Variants in TRAPPC10 observed in about 807,000 individuals in gnomAD.
TRAPPC10 encodes the protein TRAPP 130 kDa subunit.
A neutral mutation model predicts 125.5 loss-of-function variants in TRAPPC10; 23 were observed. The ratio of observed to expected loss-of-function variants is 0.18; its 90% CI spans 0.13 to 0.26. TRAPPC10 has a LOEUF of 0.26. Among genes scored for constraint, TRAPPC10 ranks in the 10% least tolerant of loss-of-function variants. The pLI is 1.00. For missense variants in TRAPPC10, 1,123 were observed against 1,308.4 expected, an observed-to-expected ratio of 0.86 and a Z score of 2.19; for synonymous variants, 509 against 518.0, an observed-to-expected ratio of 0.98 and a Z score of 0.24.
intron 4 of TRAPPC10, among the ~76,000 whole-genome samples, chr21:44,052,899 A>G (rs1381182747): frequency 6.6e-6 from 1 of 152,120 alleles, no homozygotes; most frequent in Non-Finnish European, 1.5e-5. Context: ...ACCCCTTCAG[A>G]AACTGTGAAA....
At chr21:44,077,910 A>T (rs2037405417) in intron 11 of TRAPPC10, 126 bp downstream of exon 11, 1 of 566,294 alleles carries the variant, frequency 1.8e-6, no homozygotes, top group East Asian at 3.5e-5. Flanking sequence ...TCTCTTACCC[A>T]GTCCTCATAA....
At chr21:44,061,271 C>T (rs1175024960) in intron 6 of TRAPPC10, among the ~76,000 whole-genome samples, 5 of 152,002 alleles carry the variant, frequency 3.3e-5, no homozygotes, top group East Asian at 3.9e-4. Flanking sequence ...TGAGTAGCTG[C>T]GACTACAGGT....
chr21:44,044,559 A>G (rs1482580779), intron 3 of TRAPPC10, among the ~76,000 whole-genome samples: 1 of 151,466 alleles, frequency 6.6e-6, no homozygotes, highest in Non-Finnish European at 1.5e-5. Flanking sequence ...TATTGTTGTC[A>G]TACATTTTCT....
intron 20 of TRAPPC10, among the ~76,000 whole-genome samples, chr21:44,095,778 CA>C (rs2038892748): frequency 6.6e-6 from 1 of 152,124 alleles, no homozygotes; most frequent in East Asian, 1.9e-4. Context: ...CCATCTTGGC[CA>C]GGCTGGTCTT....
intron 19 of TRAPPC10, among the ~76,000 whole-genome samples, chr21:44,093,050 G>C (rs2038694987): frequency 1.3e-5 from 2 of 152,160 alleles, no homozygotes; most frequent in Non-Finnish European, 2.9e-5. Context: ...ACCCACCTTG[G>C]CCTCCTAAAG....
At chr21:44,019,488 A>G (rs1180398901) in intron 1 of TRAPPC10, among the ~76,000 whole-genome samples, 2 of 152,152 alleles carry the variant, frequency 1.3e-5, no homozygotes, top group Non-Finnish European at 2.9e-5. Flanking sequence ...TCTGCTCTTA[A>G]TGTCAAATAT....
chr21:44,021,504 C>A (rs900132318), intron 1 of TRAPPC10, among the ~76,000 whole-genome samples: 14 of 151,952 alleles, frequency 9.2e-5, no homozygotes, highest in African/African-American at 3.4e-4. Context: ...ATAAAGAGAC[C>A]CTACAAACCT....
chr21:44,061,638 A>C (rs2036068062), intron 6 of TRAPPC10, among the ~76,000 whole-genome samples: 1 of 152,260 alleles, frequency 6.6e-6, no homozygotes, highest in Non-Finnish European at 1.5e-5. Flanking sequence ...AATTTAATAA[A>C]GAAATGGCAA....
At chr21:44,058,223 G>A (rs936051937) in intron 5 of TRAPPC10, among the ~76,000 whole-genome samples, 20 of 152,204 alleles carry the variant, frequency 1.3e-4, no homozygotes, top group Non-Finnish European at 5.9e-5. Context: ...GACTTAGCCA[G>A]AGCTGAAGGA....
chr21:44,076,448 G>C (rs2037289725), intron 9 of TRAPPC10, 104 bp from the exon 10 acceptor site: 1 of 815,826 alleles, frequency 1.2e-6, no homozygotes, highest in African/African-American at 1.7e-5. Context: ...AATTTCACAA[G>C]AGTCAGATGA....
chr21:44,079,893 CT>C, intron 12 of TRAPPC10, 121 bp from the exon 13 acceptor site: 1 of 1,068,978 alleles, frequency 9.4e-7, no homozygotes, highest in Non-Finnish European at 1.3e-6. Flanking sequence ...GCCCTAGTAA[CT>C]TAAAAAAAAA....
intron 7 of TRAPPC10, among the ~76,000 whole-genome samples, chr21:44,066,499 C>T (rs956962538): frequency 1.3e-5 from 2 of 152,204 alleles, no homozygotes; most frequent in Admixed American, 6.5e-5. Context: ...CAGGATCCTC[C>T]TTGACAGAGT....
chr21:44,086,774 T>G lies in TRAPPC10; in HGVS notation c.2381-28T>G, dbSNP rs762041461. 1.7e-5 allele frequency: 28 copies of G among 1,612,042 alleles called. No individual in the cohort carries two copies. In the East Asian group the frequency reaches 5.8e-4, roughly 33 times the overall value. ...GATGCTGTCTTCCGGTTGGCAGCGG[T>G]GCTGAGCCACGATCTCTTTTCCTTT... On this transcript the variant is annotated intron_variant, in intron 15 of 22. Transcript: ENST00000291574.
chr21:44,047,117 A>G, intron 3 of TRAPPC10: 4 of 564,802 alleles, frequency 7.1e-6, no homozygotes, highest in Non-Finnish European at 1.3e-5. Flanking sequence ...CCCACCACCT[A>G]CTCCTTCGGC....
At chr21:44,077,848 A>T in intron 11 of TRAPPC10, 64 bp downstream of exon 11, 1 of 1,269,242 alleles carries the variant, frequency 7.9e-7, no homozygotes, top group Admixed American at 1.8e-5. Flanking sequence ...GATTTGTTAT[A>T]TATGGAGTTA....
intron 11 of TRAPPC10, 54 bp from the exon 12 acceptor site, chr21:44,079,510 G>C (rs2059314211): frequency 1.9e-6 from 3 of 1,554,408 alleles, no homozygotes; most frequent in Non-Finnish European, 2.6e-6. Context: ...TGGGGTTTCA[G>C]TGTGTTGATT....
At position 44,058,728 on chromosome 21, in the gene TRAPPC10, C is replaced by T. The variant is rs184521436; in HGVS notation, c.679-375C>T. Among the ~76,000 whole-genome samples, 54 of 152,236 alleles carry T rather than the reference C, an allele frequency of 3.5e-4. No homozygotes were observed. In the East Asian group the frequency reaches 9.1e-3, roughly 26 times the overall value. ...AGGGAAGTCCAAGGGCGGAGCCCTG[C>T]GGCCTCCAGCAGAGAGCCTCGGGGA... is the stretch of plus-strand genomic sequence containing the variant. On this transcript the variant is annotated intron_variant, in intron 5 of 22. Transcript: ENST00000291574.
rs902479632 is a variant in TRAPPC10 at position 44,087,203 on chromosome 21, T to C, written c.2539+243T>C. Among the ~76,000 whole-genome samples the C allele has an allele frequency of 2.0e-5, 3 of 152,166 alleles. No individual in the cohort carries two copies. Among genetic ancestry groups the C allele is most frequent in the Admixed American group, 6.5e-5 (1 of 15,284 alleles). On this transcript the variant is annotated intron_variant, in intron 16 of 22. Coordinates refer to ENST00000291574, the MANE Select transcript of TRAPPC10 (RefSeq NM_003274.5). This position sits in a 1 kb window ranked among gnomAD's most constrained non-coding sequence, Gnocchi z 4.6. ...GCTTGTCTGGCTGAGGATTAGGAGA[T>C]GGGGGTCACGGCTGGGGTCACGTTC...
intron 3 of TRAPPC10, among the ~76,000 whole-genome samples, chr21:44,044,867 T>C (rs1383039631): frequency 6.6e-6 from 1 of 152,022 alleles, no homozygotes; most frequent in African/African-American, 2.4e-5. Context: ...GTTTCTGCCA[T>C]GTTGGCCAGG....
Sources: gnomAD v4.1 joint callset for allele counts (sites outside exome capture counted in the v4.1 genomes callset) on GRCh38, gnomAD v4.1.1 for gene constraint, Gnocchi (gnomAD v3.1) non-coding constraint, MANE v1.5 for transcripts, NCBI Gene and HGNC (gene_info 2026-07-23, HGNC 2026-07-21) for gene names.